The following ADAMTSL2 variants were observed in gnomAD, a reference collection of about 807,000 sequenced individuals.
The protein encoded by ADAMTSL2 is ADAMTS like 2.
Under a neutral mutation model 117.0 loss-of-function variants are expected in ADAMTSL2, and 55 were observed. The observed-to-expected ratio is 0.47, with a 90% CI of 0.38 to 0.59. The LOEUF (loss-of-function observed/expected upper bound fraction) is 0.59, where lower values mean the gene tolerates loss of function less well. Ranked by LOEUF, ADAMTSL2 falls within the 20% of genes least tolerant of loss-of-function variation. The probability of loss-of-function intolerance (pLI) is 0.00; values close to 1 mark genes in which losing one functional copy is unlikely to be tolerated. For synonymous variants in ADAMTSL2, 572 were observed against 566.4 expected (o/e 1.01, Z -0.14); for missense variants, 1,182 against 1,354.5 (o/e 0.87, Z 2.00).
chr9:133,533,851 T>C (rs1829988686), upstream of ADAMTSL2, among the ~76,000 whole-genome samples: 1 of 152,080 alleles, frequency 6.6e-6, no homozygotes, highest in African/African-American at 2.4e-5. Context: ...TTTTTGGAGG[T>C]GCCTCTGTTT....
chr9:133,563,088 G>A (rs945162050), intron 12 of ADAMTSL2, among the ~76,000 whole-genome samples: 3 of 152,362 alleles, frequency 2.0e-5, no homozygotes, highest in African/African-American at 7.2e-5. Context: ...AAAGCCTTCC[G>A]AGCCACTGTT....
In ADAMTSL2 at chr9:133,557,253, C is replaced by T. The variant is rs1830622972; in HGVS notation, c.1649+1323C>T. Among the ~76,000 whole-genome samples, 1 of 152,200 alleles carries T rather than the reference C, an allele frequency of 6.6e-6. No homozygotes were observed. Among genetic ancestry groups the T allele is most frequent in the Admixed American group, 6.5e-5 (1 of 15,276 alleles). On this transcript the variant is annotated intron_variant, in intron 11 of 18. Transcript: ENST00000651351. This position sits in a 1 kb window ranked among gnomAD's most constrained non-coding sequence, Gnocchi z 5.2. Reference sequence around the variant, plus strand: ...CCCAGGGGATGCCTGCCGCTTTTCTCAAACTGTTTTCTGAGGCCACCGAGG... The same window carrying T: ...CCCAGGGGATGCCTGCCGCTTTTCTTAAACTGTTTTCTGAGGCCACCGAGG...
chr9:133,547,521 C>T (rs1052779811), intron 9 of ADAMTSL2, among the ~76,000 whole-genome samples: 2 of 152,260 alleles, frequency 1.3e-5, no homozygotes, highest in African/African-American at 4.8e-5. Flanking sequence ...CACCTATTCT[C>T]TCACCCACTT....
At chr9:133,552,087 C>T (rs569629721) in intron 9 of ADAMTSL2, among the ~76,000 whole-genome samples, 1 of 152,206 alleles carries the variant, frequency 6.6e-6, no homozygotes, top group East Asian at 1.9e-4. Context: ...CTCGGCCTCC[C>T]AAAGTGCTGG....
At chr9:133,536,899 C>CA (rs1276652837) in intron 2 of ADAMTSL2, 97 bp downstream of exon 2, 2 of 1,571,526 alleles carry the variant, frequency 1.3e-6, no homozygotes, top group Non-Finnish European at 1.7e-6. Context: ...GCCGTGTGGG[C>CA]ACGTGCCCCA....
chr9:133,560,678 G>A (rs1002857385), intron 11 of ADAMTSL2, among the ~76,000 whole-genome samples: 18 of 152,340 alleles, frequency 1.2e-4, no homozygotes, highest in Non-Finnish European at 2.5e-4. Flanking sequence ...CAGCAGCCGA[G>A]CTTTTTAATT....
At chr9:133,543,882 C>T (rs1394106580) in intron 7 of ADAMTSL2, among the ~76,000 whole-genome samples, 2 of 152,238 alleles carry the variant, frequency 1.3e-5, no homozygotes, top group African/African-American at 2.4e-5. Flanking sequence ...TGGCTGCCTC[C>T]GCACGGGCCT....
chr9:133,570,544 G>A, intron 17 of ADAMTSL2, 37 bp downstream of exon 17: 2 of 1,589,942 alleles, frequency 1.3e-6, no homozygotes, highest in Admixed American at 3.5e-5. Flanking sequence ...GTTGCCTGAG[G>A]CCAGACCTGA....
chr9:133,554,459 G>A lies in ADAMTSL2; in HGVS notation c.1042G>A (p.Glu348Lys), dbSNP rs538276028. The change falls in exon 10 of 19, where the codon GAG becomes AAG. Residue 348 changes from glutamate to lysine, a missense_variant. Around this residue, in one of 3 missense-constraint regions of ADAMTSL2, gnomAD observed 345 missense variants for 325.8 expected, o/e 1.06. Transcript: ENST00000651351. The surrounding 1 kb of genome is among the most constrained non-coding windows in gnomAD (Gnocchi z 5.2). ...CCAGCCCATCTACTATGGCTTCTCC[G>A]AGAGCGCTGAGAGCCAGGGCCTGGA... The part of the protein sequence containing the change: ...RPQPIYYGFS[E>K]SAESQGLDGA... 38 of 1,555,602 alleles carry A rather than the reference G, an allele frequency of 2.4e-5. No individual in the cohort carries two copies. Among genetic ancestry groups the A allele is most frequent in the Middle Eastern group, 1.7e-4 (1 of 5,978 alleles).
intron 12 of ADAMTSL2, among the ~76,000 whole-genome samples, chr9:133,563,273 G>A (rs1162051366): frequency 6.6e-6 from 1 of 152,244 alleles, no homozygotes; most frequent in Non-Finnish European, 1.5e-5. Context: ...GCTGGCCTTG[G>A]AAGTGAGCCA....
At chr9:133,564,520 G>C (rs1289041579) in intron 12 of ADAMTSL2, among the ~76,000 whole-genome samples, 1 of 95,600 alleles carries the variant, frequency 1.0e-5, no homozygotes, top group Non-Finnish European at 2.1e-5. Flanking sequence ...GAGGGAGAGG[G>C]AGAGAGAGAG....
Position 133,575,219 on chromosome 9 carries a change from C to CGTA in ADAMTSL2, c.*357_*359dup, listed in dbSNP as rs1302244673. The CGTA allele has an allele frequency of 3.2e-4, 104 of 322,470 alleles. No individual in the cohort carries two copies. In the East Asian group the frequency reaches 7.6e-3, roughly 23 times the overall value. The allele number at this position is 322,470 out of a possible 1,614,324, so 20.0% of individuals were successfully genotyped here. ...CGGTGGAGGTGTCTTGCTCCGGGCC[C>CGTA]GTAGCCCACGCCCTCTCTGGGTGGC... On this transcript the variant is annotated 3_prime_UTR_variant, in exon 19 of 19. Coordinates refer to ENST00000651351, the MANE Select transcript of ADAMTSL2 (RefSeq NM_014694.4).
intron 12 of ADAMTSL2, among the ~76,000 whole-genome samples, chr9:133,565,947 A>G (rs1168664546): frequency 2.0e-5 from 3 of 152,084 alleles, no homozygotes; most frequent in African/African-American, 4.8e-5. Context: ...TCCCAGAATC[A>G]TCCTGCTCCT....
intron 10 of ADAMTSL2, 107 bp from the exon 11 acceptor site, chr9:133,555,451 G>A: frequency 1.4e-6 from 2 of 1,452,176 alleles, no homozygotes; most frequent in East Asian, 2.3e-5. Flanking sequence ...GAGCTTCTTG[G>A]TTCAGCTTGG....
intron 13 of ADAMTSL2, 52 bp from the exon 14 acceptor site, chr9:133,568,221 G>A (rs1456489938): frequency 1.3e-6 from 2 of 1,526,604 alleles, no homozygotes; most frequent in African/African-American, 1.4e-5. Context: ...GGTTGCATGG[G>A]GTCCCGGCTG....
rs775126553 is a variant in ADAMTSL2, at chr9:133,539,840, G to A, written c.379G>A (p.Gly127Arg). The change falls in exon 5 of 19, where the codon GGG becomes AGG. Residue 127 changes from glycine (G) to arginine (R), a missense_variant. This residue lies in a region of ADAMTSL2 where 372 missense variants were observed against 463.4 expected (regional missense o/e 0.80). Transcript: ENST00000651351. ...CTCCTTCAACTCCCACGTGTACAAC[G>A]GGCGGACGCACCAGTGGAAGCCTCT... ...CVSFNSHVYN[G>R]RTHQWKPLYP... is the part of the protein sequence containing the mutation. 22 of 1,551,022 alleles carry A rather than the reference G, an allele frequency of 1.4e-5. No homozygotes were observed. The highest frequency in any genetic ancestry group is 4.8e-5 in the South Asian group (4 of 84,062).
At chr9:133,548,241 G>C (rs1830399757) in intron 9 of ADAMTSL2, among the ~76,000 whole-genome samples, 1 of 152,252 alleles carries the variant, frequency 6.6e-6, no homozygotes, top group Admixed American at 6.5e-5. Flanking sequence ...TGGTGCCAGA[G>C]CCTGTTCTTT....
intron 12 of ADAMTSL2, among the ~76,000 whole-genome samples, chr9:133,564,603 A>G (rs1830905915): frequency 1.7e-5 from 1 of 59,498 alleles, no homozygotes. Context: ...AGGGGGAGAG[A>G]GAGGGAGAGA....
At chr9:133,532,331 G>C (rs1829962725), upstream of ADAMTSL2, 1 of 152,130 alleles carries the variant, frequency 6.6e-6, no homozygotes, top group Non-Finnish European at 1.5e-5. Context: ...CGAGTAGCTG[G>C]GATTACAGGT....
Sources: gnomAD v4.1 joint callset for allele counts (sites outside exome capture counted in the v4.1 genomes callset) on GRCh38, gnomAD v4.1.1 for gene constraint, gnomAD v4.1.1 regional missense constraint, Gnocchi (gnomAD v3.1) non-coding constraint, MANE v1.5 for transcripts, NCBI Gene and HGNC (gene_info 2026-07-23, HGNC 2026-07-21) for gene names.